ADAMTS16: variants seen among roughly 807,000 people sequenced by gnomAD.
ADAMTS16 encodes A disintegrin and metalloproteinase with thrombospondin motifs 16.
Under a neutral mutation model 145.8 loss-of-function variants are expected in ADAMTS16, and 94 were observed. The ratio of observed to expected loss-of-function variants is 0.64; its 90% CI spans 0.55 to 0.77. The LOEUF (loss-of-function observed/expected upper bound fraction) is 0.77. ADAMTS16 is among the 30% of genes least tolerant of loss of function. ADAMTS16 has a pLI of 0.00. For synonymous variants in ADAMTS16, 659 were observed against 604.3 expected (o/e 1.09, Z -1.33); for missense variants, 1,585 against 1,591.5 (o/e 1.00, Z 0.07).
At chr5:5,252,653 T>C (rs899351896) in intron 17 of ADAMTS16, among the ~76,000 whole-genome samples, 1 of 152,198 alleles carries the variant, frequency 6.6e-6, no homozygotes, top group African/African-American at 2.4e-5. Flanking sequence ...CTGATCTTTA[T>C]AGATTAAAGT....
intron 10 of ADAMTS16, among the ~76,000 whole-genome samples, chr5:5,218,985 G>T (rs1201344986): frequency 6.6e-6 from 1 of 152,108 alleles, no homozygotes; most frequent in Non-Finnish European, 1.5e-5. Context: ...GTTTCCACGG[G>T]CACAGGATCG....
chr5:5,262,716 T>C lies in ADAMTS16; in HGVS notation c.2722T>C (p.Phe908Leu). The C allele has an allele frequency of 1.2e-6, 2 of 1,614,242 alleles. No individual in the cohort carries two copies. Among genetic ancestry groups the C allele is most frequent in the Non-Finnish European group, 8.5e-7 (1 of 1,180,042 alleles). ...RDLKFQVNMSFCNPKTRPVTG... is the reference protein window; with the variant it reads ...RDLKFQVNMSLCNPKTRPVTG... The stretch of plus-strand genomic sequence containing the variant: ...CCTGAAGTTTCAAGTAAATATGTCC[T>C]TCTGCAATCCCAAGACACGACCTGT... Residue 908 changes from phenylalanine to leucine, a missense_variant, in exon 18 of 23, where the codon TTC becomes CTC. By Grantham distance (22) the Phe-to-Leu change is conservative. This residue lies in a region of ADAMTS16 where 834 missense variants were observed against 811.7 expected (regional missense o/e 1.03). Coordinates refer to ENST00000274181, the MANE Select transcript of ADAMTS16 (RefSeq NM_139056.4).
intron 3 of ADAMTS16, among the ~76,000 whole-genome samples, chr5:5,168,460 A>G (rs1734943906): frequency 6.9e-6 from 1 of 144,516 alleles, no homozygotes; most frequent in Non-Finnish European, 1.5e-5. Flanking sequence ...TGCCTAGTTT[A>G]TTTATTTTCT....
At chr5:5,212,210 T>C (rs1324334455) in intron 10 of ADAMTS16, among the ~76,000 whole-genome samples, 4 of 100,892 alleles carry the variant, frequency 4.0e-5, no homozygotes, top group African/African-American at 1.1e-4. Flanking sequence ...TTTTGTTTTG[T>C]TTTGTTTTTT....
At chr5:5,140,915 T>A in intron 2 of ADAMTS16, 149 bp downstream of exon 2, 1 of 746,644 alleles carries the variant, frequency 1.3e-6, no homozygotes, top group Non-Finnish European at 2.0e-6. Context: ...TTTTTAACTG[T>A]ATGAGCGAGC....
At position 5,279,709 on chromosome 5, in the gene ADAMTS16, T is replaced by C. The variant is rs1262228144; in HGVS notation, c.2789+16926T>C. Among the ~76,000 whole-genome samples, 34 of 144,666 alleles carry C rather than the reference T, an allele frequency of 2.4e-4. No homozygotes were observed. The Admixed American group carries it at 2.4e-3, about 10-fold the overall frequency. The allele number at this position is 144,666 out of a possible 152,430, so 94.9% of individuals were successfully genotyped here. A position where few individuals can be genotyped will look rare whatever the true frequency, so the allele number is the denominator to read the frequency against. On this transcript the variant is annotated intron_variant, in intron 18 of 22. Coordinates refer to ENST00000274181, the MANE Select transcript of ADAMTS16 (RefSeq NM_139056.4). ...TTTGAATTTTATCTTCCAGGTTTTC[T>C]GCTTTTTGTTTTGCTTTTGTTTGTT... is the stretch of plus-strand genomic sequence containing the variant.
chr5:5,165,098 C>A (rs1579282352), intron 3 of ADAMTS16, among the ~76,000 whole-genome samples: 1 of 152,106 alleles, frequency 6.6e-6, no homozygotes, highest in Non-Finnish European at 1.5e-5. Flanking sequence ...CACTCACATA[C>A]CCCTTAGCAG....
At chr5:5,262,391 G>A (rs77438769) in intron 17 of ADAMTS16, among the ~76,000 whole-genome samples, 63 of 152,254 alleles carry the variant, frequency 4.1e-4, no homozygotes, top group African/African-American at 1.4e-3. Flanking sequence ...GACATCAATC[G>A]CAAAACAAAT....
intron 8 of ADAMTS16, among the ~76,000 whole-genome samples, chr5:5,199,111 T>C (rs907850430): frequency 1.3e-5 from 2 of 152,182 alleles, no homozygotes; most frequent in African/African-American, 4.8e-5. Flanking sequence ...TCTTCTGGGA[T>C]AGTTGAAAAT....
At chr5:5,152,402 T>C (rs1244776494) in intron 3 of ADAMTS16, among the ~76,000 whole-genome samples, 1 of 152,246 alleles carries the variant, frequency 6.6e-6, no homozygotes, top group African/African-American at 2.4e-5. Context: ...TTCATTGCTG[T>C]CGGCCTGATA....
chr5:5,220,118 T>C (rs2126341377), intron 10 of ADAMTS16, among the ~76,000 whole-genome samples: 1 of 152,010 alleles, frequency 6.6e-6, no homozygotes, highest in South Asian at 2.1e-4. Context: ...GCAAGCACTG[T>C]ACCAGATAAT....
intron 12 of ADAMTS16, among the ~76,000 whole-genome samples, chr5:5,233,854 T>C (rs553166492): frequency 6.6e-6 from 1 of 152,348 alleles, no homozygotes; most frequent in African/African-American, 2.4e-5. Flanking sequence ...TTTGGATATA[T>C]ACTCAGTAAT....
chr5:5,213,364 T>C (rs1736328622), intron 10 of ADAMTS16, among the ~76,000 whole-genome samples: 1 of 152,202 alleles, frequency 6.6e-6, no homozygotes, highest in South Asian at 2.1e-4. Context: ...GAATTCATCC[T>C]CAGTTTTGAA....
intron 13 of ADAMTS16, 79 bp from the exon 14 acceptor site, chr5:5,236,886 AAGTC>A: frequency 6.8e-7 from 1 of 1,480,842 alleles, no homozygotes; most frequent in Non-Finnish European, 9.0e-7. Context: ...GGAAGAAAGA[AAGTC>A]TATCTAAAAT....
chr5:5,249,785 G>A (rs1027168401), intron 17 of ADAMTS16, among the ~76,000 whole-genome samples: 9 of 152,156 alleles, frequency 5.9e-5, no homozygotes, highest in African/African-American at 9.7e-5. Flanking sequence ...CTTGGTACCC[G>A]AGTTCTTGTC....
intron 17 of ADAMTS16, among the ~76,000 whole-genome samples, chr5:5,245,637 G>A (rs1737419854): frequency 6.6e-6 from 1 of 152,152 alleles, no homozygotes; most frequent in Admixed American, 6.5e-5. Flanking sequence ...TGAATGGGAA[G>A]AAGACAGCTG....
chr5:5,230,830 A>G (rs144861058), intron 11 of ADAMTS16, among the ~76,000 whole-genome samples: 2 of 152,266 alleles, frequency 1.3e-5, no homozygotes, highest in Non-Finnish European at 2.9e-5. Flanking sequence ...TGCTTTTGAG[A>G]CAGCGCTCCT....
chr5:5,269,311 C>T lies in ADAMTS16; in HGVS notation c.2789+6528C>T, dbSNP rs540449010. On this transcript the variant is annotated intron_variant, in intron 18 of 22. Transcript: ENST00000274181. This position sits in a 1 kb window ranked among gnomAD's most constrained non-coding sequence, Gnocchi z 4.3. ...CCCTGGTCACCTCAGCCTGGATACC[C>T]CCAACTCTTGACCCACTGTGCACAT... 5.9e-5 allele frequency among the ~76,000 whole-genome samples: 9 copies of T among 152,188 alleles called. No individual in the cohort carries two copies. The highest frequency in any genetic ancestry group is 3.9e-4 in the Admixed American group (6 of 15,280).
chr5:5,254,166 C>T (rs1737713633), intron 17 of ADAMTS16, among the ~76,000 whole-genome samples: 1 of 152,088 alleles, frequency 6.6e-6, no homozygotes, highest in African/African-American at 2.4e-5. Flanking sequence ...TTTCAAGTTA[C>T]CCAAGAATCT....
Sources: allele counts gnomAD v4.1 joint callset (sites outside exome capture counted in the v4.1 genomes callset), GRCh38; gene constraint gnomAD v4.1.1; regional missense constraint gnomAD v4.1.1; non-coding constraint Gnocchi (gnomAD v3.1); transcripts MANE v1.5; gene names NCBI Gene and HGNC (gene_info 2026-07-23, HGNC 2026-07-21).